GRB14: variants seen among roughly 807,000 people sequenced by gnomAD.
The protein encoded by GRB14 is growth factor receptor-bound protein 14.
GRB14 carries 38 observed loss-of-function variants against 69.1 expected under a neutral mutation model. The ratio of observed to expected loss-of-function variants is 0.55; its 90% CI spans 0.42 to 0.72. GRB14 has a LOEUF of 0.72. Ranked by LOEUF, GRB14 falls within the 30% of genes least tolerant of loss-of-function variation. GRB14 has a pLI of 0.00. For synonymous variants in GRB14, 247 were observed against 241.3 expected (o/e 1.02, Z -0.22); for missense variants, 666 against 666.1 (o/e 1.00, Z 0.00).
rs1690394990 is a variant in GRB14, at chr2:164,619,623, C to A, written c.324+64G>T. ...GTTAATACTGTAAATTACGGAACAC[C>A]TTAAAGACTGTATGGATTCAGAACT... On this transcript the variant is annotated intron_variant, in intron 2 of 13. Transcript: ENST00000263915. 12 of 1,133,254 alleles carry A rather than the reference C, an allele frequency of 1.1e-5. No individual in the cohort carries two copies. In the South Asian group the frequency reaches 1.8e-4, roughly 17 times the overall value. 70.2% of individuals were successfully genotyped at this position (1,133,254 alleles called of 1,614,324 possible). A position where few individuals can be genotyped will look rare whatever the true frequency, so the allele number is the denominator to read the frequency against.
chr2:164,618,739 C>T (rs1183700667), intron 2 of GRB14, among the ~76,000 whole-genome samples: 1 of 152,124 alleles, frequency 6.6e-6, no homozygotes, highest in African/African-American at 2.4e-5. Context: ...TATAAACACA[C>T]ATAGTTGAAC....
chr2:164,582,426 T>TA (rs1559061111), intron 2 of GRB14, among the ~76,000 whole-genome samples: 1 of 46,566 alleles, frequency 2.1e-5, no homozygotes, highest in Non-Finnish European at 8.3e-5. Flanking sequence ...TATTTATTAT[T>TA]TTTTTTTTTT....
intron 9 of GRB14, among the ~76,000 whole-genome samples, chr2:164,498,635 T>C (rs1686968215): frequency 6.6e-6 from 1 of 152,204 alleles, no homozygotes; most frequent in South Asian, 2.1e-4. Flanking sequence ...AGTAAACTAC[T>C]AGCCAGCCTG....
At chr2:164,608,175 C>A (rs939955915) in intron 2 of GRB14, among the ~76,000 whole-genome samples, 1 of 152,064 alleles carries the variant, frequency 6.6e-6, no homozygotes, top group African/African-American at 2.4e-5. Context: ...AGTTCAAGAC[C>A]AGCCTGGCCA....
At chr2:164,616,449 A>T (rs1444494709) in intron 2 of GRB14, among the ~76,000 whole-genome samples, 1 of 151,228 alleles carries the variant, frequency 6.6e-6, no homozygotes, top group Non-Finnish European at 1.5e-5. Flanking sequence ...AAAAAAAAAA[A>T]AGAATATGGA....
Position 164,497,468 on chromosome 2 carries a change from A to T in GRB14, c.1127T>A (p.Leu376Gln). The change falls in exon 10 of 14, where the codon CTG becomes CAG. Residue 376 changes from leucine (L) to glutamine (Q), a missense_variant. Leu to Gln is a moderately radical substitution (Grantham distance 113). Transcript: ENST00000263915. The part of the protein sequence containing the change: ...SPMRSISENS[L>Q]VAMDFSGQKS... ...CTGGCCTGAGAAGTCCATTGCTACC[A>T]GGGAATTCTCTGATATACTTCTCTG... 1 of 1,610,462 alleles carries T rather than the reference A, an allele frequency of 6.2e-7. No individual in the cohort carries two copies.
chr2:164,509,969 G>A (rs1434422012), intron 6 of GRB14, among the ~76,000 whole-genome samples: 5 of 152,030 alleles, frequency 3.3e-5, no homozygotes, highest in East Asian at 3.8e-4. Context: ...CATTTTAATC[G>A]AATGAATGAC....
At chr2:164,532,690 T>C (rs932633073) in intron 3 of GRB14, among the ~76,000 whole-genome samples, 13 of 152,064 alleles carry the variant, frequency 8.5e-5, no homozygotes, top group African/African-American at 1.2e-4. Flanking sequence ...GGGCAAGGGG[T>C]GGAATCTCCC....
intron 2 of GRB14, 41 bp downstream of exon 2, chr2:164,619,646 A>G (rs767266331): frequency 1.4e-6 from 2 of 1,419,982 alleles, no homozygotes; most frequent in African/African-American, 1.4e-5. Context: ...TGGATTCAGA[A>G]CTCCTAAGAT....
intron 6 of GRB14, among the ~76,000 whole-genome samples, chr2:164,520,908 G>C (rs1288714411): frequency 1.3e-5 from 2 of 152,136 alleles, no homozygotes; most frequent in African/African-American, 4.8e-5. Flanking sequence ...TTGTGCTGTT[G>C]GTGGGAATGT....
Position 164,568,227 on chromosome 2 carries a change from G to A in GRB14, c.325-20411C>T. On this transcript the variant is annotated intron_variant, in intron 2 of 13. Transcript: ENST00000263915. ...GCTCTTTCAAGGGTATGTAAGTAAA[G>A]CTTCCTATGTATTAATAAACACACA... The A allele has an allele frequency of 5.6e-6, 4 of 720,500 alleles. No homozygotes were observed. In the South Asian group the frequency reaches 6.7e-5, roughly 12 times the overall value. 44.6% of individuals were successfully genotyped at this position (720,500 alleles called of 1,614,324 possible).
chr2:164,503,904 G>GT (rs1370940880), intron 8 of GRB14, among the ~76,000 whole-genome samples: 1 of 152,092 alleles, frequency 6.6e-6, no homozygotes, highest in Non-Finnish European at 1.5e-5. Flanking sequence ...AAGGTCTTTA[G>GT]TAGGCATTTA....
chr2:164,529,930 T>A (rs1687878970), intron 3 of GRB14, among the ~76,000 whole-genome samples: 1 of 152,232 alleles, frequency 6.6e-6, no homozygotes, highest in African/African-American at 2.4e-5. Context: ...GTTCACAGTA[T>A]GTCAAAAACT....
intron 2 of GRB14, among the ~76,000 whole-genome samples, chr2:164,594,913 G>C (rs962014566): frequency 6.6e-6 from 1 of 152,154 alleles, no homozygotes; most frequent in Non-Finnish European, 1.5e-5. Flanking sequence ...ATCAAAGTCT[G>C]TTTCTGCCAT....
At chr2:164,553,894 C>T (rs910254397) in intron 2 of GRB14, among the ~76,000 whole-genome samples, 12 of 152,038 alleles carry the variant, frequency 7.9e-5, no homozygotes, top group African/African-American at 1.2e-4. Flanking sequence ...GCGGAGGTTG[C>T]GGTGAGCCAA....
Position 164,508,845 on chromosome 2 carries a change from C to T in GRB14, c.824G>A (p.Arg275Gln), listed in dbSNP as rs369508803. The T allele has an allele frequency of 9.6e-6, 15 of 1,567,016 alleles. No individual in the cohort carries two copies. Among genetic ancestry groups the T allele is most frequent in the African/African-American group, 4.2e-5 (3 of 71,740 alleles). The change falls in exon 7 of 14, where the codon CGG (arginine) becomes CAG (glutamine). Residue 275 changes from arginine to glutamine, a missense_variant. By Grantham distance (43) the Arg-to-Gln change is conservative. Transcript: ENST00000263915. ...FSTKGTSKEP[R>Q]HLQFFSEFGN... ...AAATTCGCTGAAAAACTGCAAATGC[C>T]GCGGTTCCTTAAAAAAAAAAGTATT...
intron 13 of GRB14, among the ~76,000 whole-genome samples, 171 bp downstream of exon 13, chr2:164,494,260 A>T (rs1686834583): frequency 6.6e-6 from 1 of 152,204 alleles, no homozygotes; most frequent in Admixed American, 6.6e-5. Context: ...ATTCAGGCTC[A>T]TAAAATCATT....
intron 5 of GRB14, 134 bp from the exon 6 acceptor site, chr2:164,522,251 T>G: frequency 1.6e-6 from 1 of 611,642 alleles, no homozygotes; most frequent in East Asian, 2.8e-5. Flanking sequence ...TTATGGTAAT[T>G]AACTATGTGT....
At chr2:164,536,640 A>G (rs1372976693) in intron 3 of GRB14, among the ~76,000 whole-genome samples, 1 of 152,144 alleles carries the variant, frequency 6.6e-6, no homozygotes, top group Non-Finnish European at 1.5e-5. Flanking sequence ...CACTGATTTT[A>G]TTCAATCGTC....
Sources: gnomAD v4.1 joint callset for allele counts (sites outside exome capture counted in the v4.1 genomes callset) on GRCh38, gnomAD v4.1.1 for gene constraint, MANE v1.5 for transcripts, NCBI Gene and HGNC (gene_info 2026-07-23, HGNC 2026-07-21) for gene names.